The following MDGA2 variants were observed in gnomAD, a reference collection of about 807,000 sequenced individuals.
The protein encoded by MDGA2 is MAM domain-containing glycosylphosphatidylinositol anchor protein 2.
A neutral mutation model predicts 117.8 loss-of-function variants in MDGA2; 40 were observed. That is an observed-to-expected ratio of 0.34 (90% CI 0.26 to 0.44). The LOEUF (loss-of-function observed/expected upper bound fraction) is 0.44, where lower values mean the gene tolerates loss of function less well. Ranked by LOEUF, MDGA2 falls within the 20% of genes least tolerant of loss-of-function variation. The pLI, the probability that MDGA2 is intolerant of heterozygous loss-of-function variation, is 1.00. For synonymous variants in MDGA2, 452 were observed against 439.0 expected (o/e 1.03, Z -0.37); for missense variants, 1,123 against 1,250.6 (o/e 0.90, Z 1.54).
chr14:46,994,054 C>T (rs1308041266), intron 8 of MDGA2, among the ~76,000 whole-genome samples: 5 of 151,996 alleles, frequency 3.3e-5, no homozygotes, highest in East Asian at 1.9e-4. Context: ...AGTTCAACCA[C>T]GGGGTAATCG....
At chr14:47,405,752 A>G (rs1259976070) in intron 1 of MDGA2, among the ~76,000 whole-genome samples, 1 of 152,152 alleles carries the variant, frequency 6.6e-6, no homozygotes, top group Non-Finnish European at 1.5e-5. Context: ...AGGCAGTAAG[A>G]GGGAGATTTA....
chr14:47,370,039 T>C (rs946942838), intron 1 of MDGA2, among the ~76,000 whole-genome samples: 4 of 152,062 alleles, frequency 2.6e-5, no homozygotes, highest in Non-Finnish European at 5.9e-5. Flanking sequence ...ACATTTATGT[T>C]GAAATATGAA....
chr14:47,613,479 T>TCTCTCACACACACACACA (rs1023859588), intron 1 of MDGA2, among the ~76,000 whole-genome samples: 5 of 141,168 alleles, frequency 3.5e-5, no homozygotes, highest in African/African-American at 1.4e-4. Context: ...TCTCTCTCTC[T>TCTCTCACACACACACACA]CACACACACA....
chr14:46,881,009 A>ACACACACACAC (rs1882432970), intron 11 of MDGA2, among the ~76,000 whole-genome samples: 2 of 145,586 alleles, frequency 1.4e-5, no homozygotes, highest in Non-Finnish European at 3.0e-5. Context: ...AACTATCACT[A>ACACACACACAC]ACACACACAC....
chr14:47,196,304 A>G (rs1885286774), intron 3 of MDGA2, among the ~76,000 whole-genome samples: 1 of 152,164 alleles, frequency 6.6e-6, no homozygotes, highest in Admixed American at 6.5e-5. Context: ...TAGTAGTAAT[A>G]GTAAAGAGGT....
chr14:47,405,547 T>G (rs917245662), intron 1 of MDGA2, among the ~76,000 whole-genome samples: 10 of 152,118 alleles, frequency 6.6e-5, no homozygotes, highest in Non-Finnish European at 1.5e-4. Context: ...TGGAAAAAAA[T>G]GAAACTATCA....
intron 3 of MDGA2, among the ~76,000 whole-genome samples, chr14:47,186,368 A>C (rs1453905732): frequency 6.6e-6 from 1 of 151,784 alleles, no homozygotes; most frequent in African/African-American, 2.4e-5. Flanking sequence ...AATAAGACAA[A>C]CTTGAAAAAA....
chr14:47,279,499 C>G (rs1454605815), intron 2 of MDGA2, among the ~76,000 whole-genome samples: 1 of 151,966 alleles, frequency 6.6e-6, no homozygotes. Context: ...TTTATATATT[C>G]TTTTCCAGTT....
At chr14:47,263,459 G>A (rs1566709386) in intron 2 of MDGA2, among the ~76,000 whole-genome samples, 1 of 152,042 alleles carries the variant, frequency 6.6e-6, no homozygotes, top group Admixed American at 6.6e-5. Context: ...CTGAAGGACT[G>A]TCTTTTGAAT....
chr14:47,153,525 C>CA (rs1357832054), intron 3 of MDGA2, among the ~76,000 whole-genome samples: 2 of 151,908 alleles, frequency 1.3e-5, no homozygotes, highest in Non-Finnish European at 2.9e-5. Context: ...GCAGCTCCTC[C>CA]AGTTGCAATG....
intron 12 of MDGA2, among the ~76,000 whole-genome samples, chr14:46,876,521 C>A (rs1249585909): frequency 6.6e-6 from 1 of 151,524 alleles, no homozygotes; most frequent in Non-Finnish European, 1.5e-5. Context: ...AACTGAGAAT[C>A]AAGTGGATCT....
chr14:47,316,638 C>G (rs1298013687), intron 1 of MDGA2, among the ~76,000 whole-genome samples: 1 of 152,016 alleles, frequency 6.6e-6, no homozygotes, highest in African/African-American at 2.4e-5. Flanking sequence ...AGAAGCAATT[C>G]TGGTAGGCTT....
At position 47,131,750 on chromosome 14, in the gene MDGA2, C is replaced by A; in HGVS notation, c.889G>T (p.Asp297Tyr). Residue 297 changes from aspartate (D) to tyrosine (Y), a missense_variant, in exon 5 of 17, where the codon GAT becomes TAT. Physicochemically the swap from Asp to Tyr is radical, Grantham distance 160. This residue lies in a region of MDGA2 where 890 missense variants were observed against 1,050.3 expected (regional missense o/e 0.85). Transcript: ENST00000399232. Reference protein sequence around the residue: ...ASVRNVCNIPDKMVSFRLSNK... With the variant: ...ASVRNVCNIPYKMVSFRLSNK... Reference sequence around the variant, plus strand: ...GACAGTCTAAACGACACCATCTTATCAGGAATATTACATACATTCCTCACT... The same window carrying A: ...GACAGTCTAAACGACACCATCTTATAAGGAATATTACATACATTCCTCACT... 1 of 1,580,182 alleles carries A rather than the reference C, an allele frequency of 6.3e-7. No individual in the cohort carries two copies. Among genetic ancestry groups the A allele is most frequent in the East Asian group, 2.2e-5 (1 of 44,464 alleles).
At chr14:47,492,417 ACT>A (rs1236608424) in intron 1 of MDGA2, among the ~76,000 whole-genome samples, 2 of 151,796 alleles carry the variant, frequency 1.3e-5, no homozygotes, top group African/African-American at 4.8e-5. Flanking sequence ...CAGATATCAC[ACT>A]CTCAATGAGT....
intron 6 of MDGA2, among the ~76,000 whole-genome samples, chr14:47,077,844 A>C (rs1422211894): frequency 6.6e-6 from 1 of 152,168 alleles, no homozygotes; most frequent in East Asian, 1.9e-4. Flanking sequence ...GATTAAAAAA[A>C]AGTTGTACAA....
chr14:46,959,202 T>A (rs1415872700), intron 8 of MDGA2, among the ~76,000 whole-genome samples: 1 of 150,792 alleles, frequency 6.6e-6, no homozygotes, highest in Non-Finnish European at 1.5e-5. Context: ...ATGAGTTGAA[T>A]ATTGAATATT....
chr14:46,960,382 C>A (rs1161296893), intron 8 of MDGA2: 1 of 152,074 alleles, frequency 6.6e-6, no homozygotes, highest in Non-Finnish European at 1.5e-5. Flanking sequence ...TCATTTAGAT[C>A]TATCATATCT....
At chr14:47,653,506 T>C (rs1897683106) in intron 1 of MDGA2, among the ~76,000 whole-genome samples, 1 of 151,908 alleles carries the variant, frequency 6.6e-6, no homozygotes, top group Non-Finnish European at 1.5e-5. Context: ...CAATGGAAAA[T>C]GGAAAGATGA....
At chr14:47,111,853 C>A (rs1881055232) in intron 5 of MDGA2, among the ~76,000 whole-genome samples, 1 of 151,934 alleles carries the variant, frequency 6.6e-6, no homozygotes, top group African/African-American at 2.4e-5. Context: ...CAACTATCAC[C>A]CCAAAATGCC....
Sources: allele counts gnomAD v4.1 joint callset (sites outside exome capture counted in the v4.1 genomes callset), GRCh38; gene constraint gnomAD v4.1.1; regional missense constraint gnomAD v4.1.1; transcripts MANE v1.5; gene names NCBI Gene and HGNC (gene_info 2026-07-23, HGNC 2026-07-21).